Variants in CIZ1 observed in about 807,000 individuals in gnomAD.
CIZ1 encodes the protein CDKN1A interacting zinc finger protein 1, also known as cip1-interacting zinc finger protein.
A neutral mutation model predicts 118.6 loss-of-function variants in CIZ1; 58 were observed. The observed-to-expected ratio is 0.49, with a 90% CI of 0.40 to 0.61. The LOEUF is 0.61. Ranked by LOEUF, CIZ1 falls within the 20% of genes least tolerant of loss-of-function variation. The probability of loss-of-function intolerance (pLI) is 0.00; values close to 1 mark genes in which losing one functional copy is unlikely to be tolerated. For missense variants in CIZ1, 921 were observed against 1,115.9 expected, an observed-to-expected ratio of 0.83 and a Z score of 2.49; for synonymous variants, 448 against 443.4, an observed-to-expected ratio of 1.01 and a Z score of -0.13.
At chr9:128,193,746 C>G (rs1833306391), upstream of CIZ1, among the ~76,000 whole-genome samples, 1 of 152,086 alleles carries the variant, frequency 6.6e-6, no homozygotes, top group Non-Finnish European at 1.5e-5. Context: ...GGCTGCCAAG[C>G]AAGCATGTTA....
rs138297392 is a variant in CIZ1 at position 128,178,813 on chromosome 9, G to A, written c.1394C>T (p.Pro465Leu). 35 of 1,614,054 alleles carry A rather than the reference G, an allele frequency of 2.2e-5. No individual in the cohort carries two copies. In the African/African-American group the frequency reaches 2.8e-4, roughly 13 times the overall value. Residue 465 changes from proline to leucine, a missense_variant, in exon 8 of 17, where the codon CCT becomes CTT. Coordinates refer to ENST00000372938, the MANE Select transcript of CIZ1 (RefSeq NM_001131016.2). ...VQPPEQTHEQ[P>L]HTQPQVSLLA... is the part of the protein sequence containing the mutation. ...CAACGACACCTGCGGCTGGGTGTGA[G>A]GCTGCTCATGGGTCTGCTCTGGTGG...
In CIZ1 at chr9:128,179,305, T is replaced by C; in HGVS notation, c.902A>G (p.Glu301Gly). ...KQTQTPDLLP[E>G]ALEAQVLPRF... ...TGGCAGCACTTGGGCTTCCAGGGCCTCAGGCAGCAGGTCTGGTGTCTGTGT... is the reference window on the plus strand; with the variant it reads ...TGGCAGCACTTGGGCTTCCAGGGCCCCAGGCAGCAGGTCTGGTGTCTGTGT... The change falls in exon 8 of 17, where the codon GAG becomes GGG. Residue 301 changes from glutamate (E) to glycine (G), a missense_variant. Glu to Gly is a moderately conservative substitution (Grantham distance 98). Coordinates refer to ENST00000372938, the MANE Select transcript of CIZ1 (RefSeq NM_001131016.2). 6.2e-7 allele frequency: 1 copy of C among 1,614,124 alleles called. No homozygotes were observed. Among genetic ancestry groups the C allele is most frequent in the Non-Finnish European group, 8.5e-7 (1 of 1,180,024 alleles).
Position 128,177,609 on chromosome 9 carries a change from T to C in CIZ1, c.1775A>G (p.Gln592Arg), listed in dbSNP as rs1020438044. 3 of 1,338,800 alleles carry C rather than the reference T, an allele frequency of 2.2e-6. No individual in the cohort carries two copies. The highest frequency in any genetic ancestry group is 3.0e-6 in the Non-Finnish European group (3 of 1,009,922). The allele number at this position is 1,338,800 out of a possible 1,614,324, so 82.9% of individuals were successfully genotyped here. A position where few individuals can be genotyped will look rare whatever the true frequency, so the allele number is the denominator to read the frequency against. The change falls in exon 10 of 17, where the codon CAG becomes CGG. Residue 592 changes from glutamine (Q) to arginine (R), a missense_variant. Coordinates refer to ENST00000372938, the MANE Select transcript of CIZ1 (RefSeq NM_001131016.2). ...ATSTPSKQALQFFCYICKASC... is the reference protein window; with the variant it reads ...ATSTPSKQALRFFCYICKASC... ...GGCCTTGCAGATGTAGCAGAAGAAC[T>C]GGAGGGCCTGCTTAGAGGGAGTGCT...
chr9:128,178,345 T>TGCCA, intron 9 of CIZ1, 24 bp downstream of exon 9: 1 of 1,603,522 alleles, frequency 6.2e-7, no homozygotes, highest in Non-Finnish European at 8.5e-7. Context: ...GCCCTCACAC[T>TGCCA]GCCACATCAG....
intron 1 of CIZ1, chr9:128,198,249 G>C (rs1312470123): frequency 6.6e-6 from 1 of 152,308 alleles, no homozygotes; most frequent in African/African-American, 2.4e-5. Context: ...CATGTTCCTG[G>C]TCCCCTTAGC....
At chr9:128,173,203 G>T (rs1291671808) in intron 11 of CIZ1, among the ~76,000 whole-genome samples, 1 of 142,824 alleles carries the variant, frequency 7.0e-6, no homozygotes, top group African/African-American at 2.6e-5. Context: ...GGAGTGCAGT[G>T]GCGCGATCTT....
chr9:128,180,332 C>T, intron 7 of CIZ1, 83 bp downstream of exon 7: 2 of 983,928 alleles, frequency 2.0e-6, no homozygotes, highest in Admixed American at 1.8e-5. Flanking sequence ...ATGGTGCACC[C>T]CCTCTGCCAT....
intron 1 of CIZ1, among the ~76,000 whole-genome samples, chr9:128,202,535 G>A (rs1027286811): frequency 6.6e-6 from 1 of 152,098 alleles, no homozygotes; most frequent in Non-Finnish European, 1.5e-5. Flanking sequence ...CTCTGCACTT[G>A]CTGGTCATTC....
At chr9:128,193,492 C>T (rs1833296912), upstream of CIZ1, among the ~76,000 whole-genome samples, 1 of 151,940 alleles carries the variant, frequency 6.6e-6, no homozygotes, top group Non-Finnish European at 1.5e-5. Context: ...AAGTGGATCA[C>T]TTAAGGTCAG....
Position 128,169,838 on chromosome 9 carries a change from GAC to G in CIZ1, c.2031+180_2031+181del, listed in dbSNP as rs574739967. 4,560 of 1,039,488 alleles carry G rather than the reference GAC, an allele frequency of 4.4e-3. 17 individuals carry two copies. The highest frequency in any genetic ancestry group is 5.9e-3 in the Non-Finnish European group (4,161 of 704,834). The allele number at this position is 1,039,488 out of a possible 1,614,324, so 64.4% of individuals were successfully genotyped here. On this transcript the variant is annotated intron_variant, in intron 12 of 16. Transcript: ENST00000372938. Reference sequence around the variant, plus strand: ...GTGAGATGGGGCCTGGCCTACACTGGACAGATGGGGAACCTGAAGCCCGAAGA... The same window carrying G: ...GTGAGATGGGGCCTGGCCTACACTGGAGATGGGGAACCTGAAGCCCGAAGA...
chr9:128,170,553 G>A (rs1830005756), intron 11 of CIZ1, among the ~76,000 whole-genome samples: 1 of 152,200 alleles, frequency 6.6e-6, no homozygotes, highest in Admixed American at 6.5e-5. Flanking sequence ...TACTCAGGAG[G>A]CTGGGGTGGG....
intron 11 of CIZ1, among the ~76,000 whole-genome samples, chr9:128,173,445 G>A (rs1340475980): frequency 2.0e-5 from 3 of 151,306 alleles, no homozygotes; most frequent in Admixed American, 1.3e-4. Flanking sequence ...GCGCCCGGCC[G>A]GCTAATTTTT....
Position 128,203,620 on chromosome 9 carries a change from T to C in CIZ1, c.-6+566A>G, listed in dbSNP as rs769600214. On this transcript the variant is annotated intron_variant, in intron 1 of 17. Coordinates refer to the CIZ1 transcript ENST00000372948. The surrounding 1 kb of genome is among the most constrained non-coding windows in gnomAD (Gnocchi z 5.3). ...CCGGCAAGAGCTCGGTGCTCGAGAA[T>C]TTCGTAGGCAGGTAGGCGCGGCGCG... 5 of 1,537,126 alleles carry C rather than the reference T, an allele frequency of 3.3e-6. No homozygotes were observed. The East Asian group carries it at 1.1e-4, about 33-fold the overall frequency.
Position 128,170,011 on chromosome 9 carries a change from C to T in CIZ1, c.2031+9G>A. ...TGCGGGTGCCTCTGCAGCGTGCAGG[C>T]CCTCCTACCTTGTGGTCCTGTGTCC... is the stretch of plus-strand genomic sequence containing the variant. On this transcript the variant is annotated intron_variant, in intron 12 of 16. Transcript: ENST00000372938. 1 of 1,610,756 alleles carries T rather than the reference C, an allele frequency of 6.2e-7. No homozygotes were observed. Among genetic ancestry groups the T allele is most frequent in the South Asian group, 1.1e-5 (1 of 90,900 alleles).
chr9:128,190,829 A>AGCTGCT lies in CIZ1; in HGVS notation c.23_28dup (p.Gln8_Gln9dup), dbSNP rs747501009. On this transcript the variant is annotated inframe_insertion, in exon 2 of 17. Transcript: ENST00000372938. The stretch of plus-strand genomic sequence containing the variant: ...CTGGAGCTGCTGCTGCTGTTGCTGG[A>AGCTGCT]GCTGCTGCTGCTGCTGCTGGCTGAA... The AGCTGCT allele has an allele frequency of 2.0e-6, 3 of 1,536,736 alleles. No individual in the cohort carries two copies. The East Asian group carries it at 7.3e-5, about 37-fold the overall frequency.
chr9:128,167,483 CTAT>C, intron 14 of CIZ1: 1 of 304,182 alleles, frequency 3.3e-6, no homozygotes, highest in Non-Finnish European at 6.1e-6. Context: ...TAACAGCCCT[CTAT>C]GGCTACACAC....
At chr9:128,169,273 C>G in intron 13 of CIZ1, 72 bp from the exon 14 acceptor site, 1 of 1,455,270 alleles carries the variant, frequency 6.9e-7, no homozygotes, top group Admixed American at 1.7e-5. Context: ...CCCACCCCAC[C>G]CCTCCCCTGA....
At chr9:128,198,066 A>T (rs892743136) in intron 1 of CIZ1, 25 of 152,284 alleles carry the variant, frequency 1.6e-4, no homozygotes, top group Non-Finnish European at 1.5e-5. Flanking sequence ...GCTGATGGGG[A>T]GCCCTTCAAC....
chr9:128,172,917 A>G (rs1830319037), intron 11 of CIZ1, among the ~76,000 whole-genome samples: 1 of 152,128 alleles, frequency 6.6e-6, no homozygotes, highest in Admixed American at 6.6e-5. Context: ...CAGGTTTTAG[A>G]TTTTAGGATT....
Sources: gnomAD v4.1 joint callset for allele counts (sites outside exome capture counted in the v4.1 genomes callset) on GRCh38, gnomAD v4.1.1 for gene constraint, Gnocchi (gnomAD v3.1) non-coding constraint, MANE v1.5 for transcripts, NCBI Gene and HGNC (gene_info 2026-07-23, HGNC 2026-07-21) for gene names.